The following TRANK1 variants were observed in gnomAD, a reference collection of about 807,000 sequenced individuals.
TRANK1 encodes the protein TPR and ankyrin repeat-containing protein 1.
A neutral mutation model predicts 266.0 loss-of-function variants in TRANK1; 198 were observed. That is an observed-to-expected ratio of 0.74 (90% confidence interval 0.66 to 0.84). TRANK1 has a LOEUF of 0.84. Ranked by LOEUF, TRANK1 falls within the 40% of genes least tolerant of loss-of-function variation. TRANK1 has a pLI of 0.00. For missense variants in TRANK1, 3,326 were observed against 3,634.6 expected, an observed-to-expected ratio of 0.92 and a Z score of 2.18; for synonymous variants, 1,396 against 1,384.1, an observed-to-expected ratio of 1.01 and a Z score of -0.19.
chr3:36,842,989 G>A (rs1343327340), intron 17 of TRANK1, among the ~76,000 whole-genome samples: 4 of 152,234 alleles, frequency 2.6e-5, no homozygotes, highest in African/African-American at 9.6e-5. Context: ...AGAGAGCACA[G>A]AGGAAAGACC....
intron 9 of TRANK1, among the ~76,000 whole-genome samples, chr3:36,867,142 T>C (rs2079238961): frequency 6.6e-6 from 1 of 151,690 alleles, no homozygotes; most frequent in African/African-American, 2.4e-5. Flanking sequence ...TCCCCTCCCA[T>C]CTTCATCCTA....
intron 7 of TRANK1, 51 bp downstream of exon 7, chr3:36,892,151 A>G (rs558045849): frequency 6.6e-7 from 1 of 1,523,294 alleles, no homozygotes; most frequent in Admixed American, 2.0e-5. Flanking sequence ...AGAGTTCCAG[A>G]ACTAGGCTAG....
In TRANK1 at chr3:36,855,992, C is replaced by A; in HGVS notation, c.3730G>T (p.Val1244Phe). 1 of 1,613,620 alleles carries A rather than the reference C, an allele frequency of 6.2e-7. No homozygotes were observed. The highest frequency in any genetic ancestry group is 8.5e-7 in the Non-Finnish European group (1 of 1,179,840). Residue 1244 changes from valine (V) to phenylalanine (F), a missense_variant, in exon 13 of 24, where the codon GTC (valine) becomes TTC (phenylalanine). Val to Phe is a conservative substitution (Grantham distance 50, BLOSUM62 -1). Coordinates refer to ENST00000645898, the MANE Select transcript of TRANK1 (RefSeq NM_001329998.2). ...DLRDENFPLF[V>F]TSKQLLLLLD... ...AGAAGAAGCAGCTGCTTGGAAGTGA[C>A]AAACAGAGGAAAGTTCTCGTCCCTC... is the stretch of plus-strand genomic sequence containing the variant.
chr3:36,929,910 G>GTTGTTA (rs995814350), intron 1 of TRANK1, among the ~76,000 whole-genome samples: 1 of 152,008 alleles, frequency 6.6e-6, no homozygotes, highest in African/African-American at 2.4e-5. Flanking sequence ...TGTTGTTGTT[G>GTTGTTA]TTGTTGTTGT....
chr3:36,938,725 G>A (rs1256383892), intron 1 of TRANK1, among the ~76,000 whole-genome samples: 5 of 152,028 alleles, frequency 3.3e-5, no homozygotes, highest in South Asian at 2.1e-4. Context: ...CTGGGAGGCC[G>A]AGGTGGGAGG....
At chr3:36,930,332 G>A (rs1220337688) in intron 1 of TRANK1, among the ~76,000 whole-genome samples, 1 of 152,142 alleles carries the variant, frequency 6.6e-6, no homozygotes, top group African/African-American at 2.4e-5. Flanking sequence ...CACCTACCAG[G>A]AACTGGATCC....
At chr3:36,842,028 T>C (rs1018380346) in intron 18 of TRANK1, among the ~76,000 whole-genome samples, 31 of 152,200 alleles carry the variant, frequency 2.0e-4, no homozygotes, top group African/African-American at 7.0e-4. Flanking sequence ...TGTGCAGGAA[T>C]GCTGACTTTG....
chr3:36,890,608 G>A (rs1327403613), intron 7 of TRANK1, among the ~76,000 whole-genome samples: 1 of 152,152 alleles, frequency 6.6e-6, no homozygotes, highest in East Asian at 1.9e-4. Context: ...TGGCAAAGAG[G>A]ATCTGGGTGA....
chr3:36,858,147 A>C, intron 12 of TRANK1, 98 bp from the exon 13 acceptor site: 2 of 1,041,910 alleles, frequency 1.9e-6, no homozygotes, highest in Non-Finnish European at 1.4e-6. Context: ...GGGGCATCTC[A>C]GAATGCTGAA....
chr3:36,861,232 C>A (rs2079138177), intron 10 of TRANK1, 72 bp from the exon 11 acceptor site: 2 of 1,469,970 alleles, frequency 1.4e-6, no homozygotes, highest in East Asian at 2.5e-5. Flanking sequence ...AATCACAACC[C>A]AACATCCATA....
chr3:36,833,960 C>T (rs758556713), intron 21 of TRANK1, 41 bp from the exon 22 acceptor site: 1 of 1,535,974 alleles, frequency 6.5e-7, no homozygotes. Flanking sequence ...TGCCATCACC[C>T]AATCAATAGA....
intron 15 of TRANK1, chr3:36,851,025 A>G: frequency 2.0e-6 from 2 of 985,564 alleles, no homozygotes; most frequent in Non-Finnish European, 2.4e-6. Flanking sequence ...AGTGGCTAGA[A>G]AACCCAGGAC....
In TRANK1 at chr3:36,832,420, C is replaced by A; in HGVS notation, c.7163G>T (p.Gly2388Val). Reference protein sequence around the residue: ...SRIKGIEGKFGMLAPNRDDEN... With the variant: ...SRIKGIEGKFVMLAPNRDDEN... ...ATCATCCCTGTTGGGTGCCAGCATG[C>A]CAAATTTCCCTTCTATTCCTTTTAT... Residue 2388 changes from glycine (G) to valine (V), a missense_variant, in exon 22 of 24, where the codon GGC (glycine) becomes GTC (valine). Transcript: ENST00000645898. 4 of 1,614,014 alleles carry A rather than the reference C, an allele frequency of 2.5e-6. No individual in the cohort carries two copies. The highest frequency in any genetic ancestry group is 3.4e-6 in the Non-Finnish European group (4 of 1,179,894).
rs749962238 is a variant in TRANK1 at position 36,831,912 on chromosome 3, A to C, written c.7671T>G (p.Gly2557=). The C allele has an allele frequency of 6.2e-6, 10 of 1,613,840 alleles. No individual in the cohort carries two copies. In the Admixed American group the frequency reaches 1.7e-4, roughly 27 times the overall value. Residue 2557 remains glycine (G), a synonymous_variant, in exon 22 of 24, where the codon GGT becomes GGG. Coordinates refer to ENST00000645898, the MANE Select transcript of TRANK1 (RefSeq NM_001329998.2). The surrounding 1 kb of genome is among the most constrained non-coding windows in gnomAD (Gnocchi z 5.0). ...AFSEIDYVVS[G]EAERTLVLCL... ...ACAGCACCAGTGTCCGCTCAGCCTC[A>C]CCCGAGACCACATAGTCTATTTCAC...
intron 1 of TRANK1, among the ~76,000 whole-genome samples, chr3:36,915,037 C>T (rs1014097174): frequency 4.6e-5 from 7 of 152,142 alleles, no homozygotes; most frequent in African/African-American, 7.2e-5. Flanking sequence ...CTGCAAGCTC[C>T]GCCTCCCGGG....
chr3:36,848,133 T>C (rs1432224701), intron 15 of TRANK1, among the ~76,000 whole-genome samples: 2 of 152,234 alleles, frequency 1.3e-5, no homozygotes, highest in African/African-American at 2.4e-5. Context: ...TACTCAATTC[T>C]GTCATTTTGG....
Position 36,857,161 on chromosome 3 carries a change from A to G in TRANK1, c.2561T>C (p.Val854Ala). ...GGCAAGGATGATTTTCTTCTTGATG[A>G]CCTTGGTCATTACCTTACTAGACAG... ...KKLSSKVMTK[V>A]IKKKIILAIQ... Residue 854 changes from valine to alanine, a missense_variant, in exon 13 of 24, where the codon GTC becomes GCC. Coordinates refer to ENST00000645898, the MANE Select transcript of TRANK1 (RefSeq NM_001329998.2). This position sits in a 1 kb window ranked among gnomAD's most constrained non-coding sequence, Gnocchi z 4.3. 1 of 1,613,914 alleles carries G rather than the reference A, an allele frequency of 6.2e-7. No individual in the cohort carries two copies. The highest frequency in any genetic ancestry group is 8.5e-7 in the Non-Finnish European group (1 of 1,179,886).
At chr3:36,862,366 A>T (rs2079154372) in intron 10 of TRANK1, among the ~76,000 whole-genome samples, 1 of 152,216 alleles carries the variant, frequency 6.6e-6, no homozygotes, top group Non-Finnish European at 1.5e-5. Context: ...ATTCATTTTA[A>T]TATTTAAAAT....
intron 15 of TRANK1, chr3:36,850,821 G>A (rs372611737): frequency 1.0e-6 from 1 of 985,362 alleles, no homozygotes; most frequent in Non-Finnish European, 1.2e-6. Flanking sequence ...CAGTTCTGGG[G>A]CAGATTTTTA....
Sources: allele counts gnomAD v4.1 joint callset (sites outside exome capture counted in the v4.1 genomes callset), GRCh38; gene constraint gnomAD v4.1.1; non-coding constraint Gnocchi (gnomAD v3.1); transcripts MANE v1.5; gene names NCBI Gene and HGNC (gene_info 2026-07-23, HGNC 2026-07-21).